The following TOPORS variants were observed in gnomAD, a reference collection of about 807,000 sequenced individuals.
TOPORS encodes the protein E3 ubiquitin-protein ligase Topors.
TOPORS carries 25 observed loss-of-function variants against 81.4 expected under a neutral mutation model. That is an observed-to-expected ratio of 0.31 (90% CI 0.22 to 0.43). The LOEUF is 0.43. Ranked by LOEUF, TOPORS falls within the 20% of genes least tolerant of loss-of-function variation. The probability of loss-of-function intolerance (pLI) is 1.00; values close to 1 mark genes in which losing one functional copy is unlikely to be tolerated. For synonymous variants in TOPORS, 473 were observed against 456.6 expected, an observed-to-expected ratio of 1.04 and a Z score of -0.46; for missense variants, 1,101 against 1,267.0, an observed-to-expected ratio of 0.87 and a Z score of 1.99.
At chr9:32,546,364 G>A (rs764945267) in intron 2 of TOPORS, among the ~76,000 whole-genome samples, 5 of 152,146 alleles carry the variant, frequency 3.3e-5, no homozygotes, top group Non-Finnish European at 5.9e-5. Context: ...GTAGAGGGAA[G>A]GAACAGAGAA....
chr9:32,544,511 C>T (rs1313425984), intron 2 of TOPORS, among the ~76,000 whole-genome samples, 185 bp from the exon 3 acceptor site: 1 of 152,186 alleles, frequency 6.6e-6, no homozygotes, highest in African/African-American at 2.4e-5. Flanking sequence ...AGCATAAGCT[C>T]TGAAGTCAGA....
chr9:32,550,240 G>A lies in TOPORS; in HGVS notation c.198+534C>T, dbSNP rs544919777. On this transcript the variant is annotated intron_variant, in intron 2 of 2. Transcript: ENST00000360538. ...ATGAGGAAAGCTGCAGTAAATGGATGGATGAACAAGTCACGGGCAATTTCT... is the reference window on the plus strand; with the variant it reads ...ATGAGGAAAGCTGCAGTAAATGGATAGATGAACAAGTCACGGGCAATTTCT... Among the ~76,000 whole-genome samples the A allele has an allele frequency of 9.2e-5, 14 of 152,286 alleles. No individual in the cohort carries two copies. The East Asian group carries it at 2.7e-3, about 29-fold the overall frequency.
At position 32,541,934 on chromosome 9, in the gene TOPORS, C is replaced by T. The variant is rs1821068764; in HGVS notation, c.2591G>A (p.Ser864Asn). 6.2e-7 allele frequency: 1 copy of T among 1,613,588 alleles called. No homozygotes were observed. The highest frequency in any genetic ancestry group is 8.5e-7 in the Non-Finnish European group (1 of 1,179,938). Residue 864 changes from serine (S) to asparagine (N), a missense_variant, in exon 3 of 3, where the codon AGC (serine) becomes AAC (asparagine). Transcript: ENST00000360538. ...KHKRRKRKTRSLSVEIVYEGK... is the reference protein window; with the variant it reads ...KHKRRKRKTRNLSVEIVYEGK... Reference sequence around the variant, plus strand: ...TTCATAAACTATCTCTACACTTAGGCTCCGGGTCTTCCTTTTTCTCCTTTT... The same window carrying T: ...TTCATAAACTATCTCTACACTTAGGTTCCGGGTCTTCCTTTTTCTCCTTTT...
rs769343027 is a variant in TOPORS, at chr9:32,550,863, G to T, written c.109C>A (p.Arg37Ser). 3.1e-6 allele frequency: 5 copies of T among 1,613,060 alleles called. No individual in the cohort carries two copies. The highest frequency in any genetic ancestry group is 2.2e-5 in the South Asian group (2 of 91,070). Residue 37 changes from arginine (R) to serine (S), a missense_variant, in exon 2 of 3, where the codon CGC becomes AGC. Transcript: ENST00000360538. The part of the protein sequence containing the change: ...GRRRSRRVRL[R>S]GSCRHRPSFL... ...CTAGGTCGGTGTCGGCAGGATCCGC[G>T]AAGGCGTACCCGGCGACTTCTCCGC...
At position 32,550,881 on chromosome 9, in the gene TOPORS, T is replaced by C; in HGVS notation, c.91A>G (p.Ser31Gly). 6.2e-7 allele frequency: 1 copy of C among 1,613,078 alleles called. No individual in the cohort carries two copies. Among genetic ancestry groups the C allele is most frequent in the Non-Finnish European group, 8.5e-7 (1 of 1,179,798 alleles). ...GATCCGCGAAGGCGTACCCGGCGAC[T>C]TCTCCGCCTACCCTCCGAAGCGGGA... ...PAPASEGRRRSRRVRLRGSCR... is the reference protein window; with the variant it reads ...PAPASEGRRRGRRVRLRGSCR... Residue 31 changes from serine to glycine, a missense_variant, in exon 2 of 3, where the codon AGT becomes GGT. By Grantham distance (56) the Ser-to-Gly change is moderately conservative. This residue lies in a region of TOPORS where 131 missense variants were observed against 101.0 expected (regional missense o/e 1.30). Coordinates refer to ENST00000360538, the MANE Select transcript of TOPORS (RefSeq NM_005802.5).
Position 32,542,989 on chromosome 9 carries a change from T to C in TOPORS, c.1536A>G (p.Thr512=), listed in dbSNP as rs1189192499. ...EDLGSYEKME[T]VKTQEQEQSY... is the part of the protein sequence containing the mutation. Reference sequence around the variant, plus strand: ...ATTGCTCCTGTTCTTGTGTCTTCACTGTCTCCATTTTCTCATAAGAACCTA... The same window carrying C: ...ATTGCTCCTGTTCTTGTGTCTTCACCGTCTCCATTTTCTCATAAGAACCTA... The change falls in exon 3 of 3, where the codon ACA becomes ACG. Residue 512 remains threonine (T), a synonymous_variant. Transcript: ENST00000360538. The C allele has an allele frequency of 6.2e-7, 1 of 1,614,214 alleles. No individual in the cohort carries two copies. Among genetic ancestry groups the C allele is most frequent in the Non-Finnish European group, 8.5e-7 (1 of 1,180,032 alleles).
In TOPORS at chr9:32,550,940, A is replaced by G. The variant is rs1042454228; in HGVS notation, c.32T>C (p.Leu11Pro). The G allele has an allele frequency of 6.2e-7, 1 of 1,612,218 alleles. No individual in the cohort carries two copies. Among genetic ancestry groups the G allele is most frequent in the African/African-American group, 1.3e-5 (1 of 74,926 alleles). MGSQPPLGSP[L>P]SREEGEAPPP... The stretch of plus-strand genomic sequence containing the variant: ...GGGCGCTTCACCCTCCTCGCGAGAC[A>G]GCGGAGACCCCAGCGGCGGCTGCGA... Residue 11 changes from leucine to proline, a missense_variant, in exon 2 of 3, where the codon CTG becomes CCG. Leu to Pro is a moderately conservative substitution (Grantham distance 98). Coordinates refer to ENST00000360538, the MANE Select transcript of TOPORS (RefSeq NM_005802.5).
At chr9:32,547,219 AAAC>A (rs1363691315) in intron 2 of TOPORS, among the ~76,000 whole-genome samples, 2 of 148,436 alleles carry the variant, frequency 1.3e-5, no homozygotes, top group Non-Finnish European at 3.0e-5. Context: ...AAAGAAAAAG[AAAC>A]ATCAAACAAT....
rs2118967996 is a variant in TOPORS at position 32,543,165 on chromosome 9, C to T, written c.1360G>A (p.Ala454Thr). The change falls in exon 3 of 3, where the codon GCC becomes ACC. Residue 454 changes from alanine to threonine, a missense_variant. By Grantham distance (58) the Ala-to-Thr change is moderately conservative (BLOSUM62 0). Transcript: ENST00000360538. The surrounding 1 kb of genome is among the most constrained non-coding windows in gnomAD (Gnocchi z 5.6). ...TGTACTCCTTGTATCTGAGACGTGGCTCCTCCTGTGACAAGTTCTTCATCT... is the reference window on the plus strand; with the variant it reads ...TGTACTCCTTGTATCTGAGACGTGGTTCCTCCTGTGACAAGTTCTTCATCT... ...SSDEELVTGG[A>T]TSQIQGVQTN... is the part of the protein sequence containing the mutation. 6.2e-7 allele frequency: 1 copy of T among 1,613,978 alleles called. No individual in the cohort carries two copies. Among genetic ancestry groups the T allele is most frequent in the East Asian group, 2.2e-5 (1 of 44,880 alleles).
At chr9:32,546,047 A>C (rs973283884) in intron 2 of TOPORS, among the ~76,000 whole-genome samples, 1 of 152,190 alleles carries the variant, frequency 6.6e-6, no homozygotes, top group Admixed American at 6.5e-5. Context: ...CTTTCTCAGA[A>C]CCATAACTTA....
intron 2 of TOPORS, among the ~76,000 whole-genome samples, chr9:32,548,700 G>A (rs2118976297): frequency 6.6e-6 from 1 of 152,300 alleles, no homozygotes; most frequent in African/African-American, 2.4e-5. Context: ...CCTCACAGGA[G>A]ACAATCAGTT....
chr9:32,549,611 G>A (rs906017962), intron 2 of TOPORS, among the ~76,000 whole-genome samples: 7 of 152,196 alleles, frequency 4.6e-5, no homozygotes, highest in African/African-American at 1.7e-4. Flanking sequence ...ACGTGAACAC[G>A]AAGTGAATTT....
chr9:32,551,778 A>C (rs1367347811), intron 1 of TOPORS: 2 of 450,964 alleles, frequency 4.4e-6, no homozygotes, highest in East Asian at 7.0e-5. Context: ...CTCAACAAAC[A>C]CTTGTTGCTT....
chr9:32,540,939 T>C lies in TOPORS; in HGVS notation c.*448A>G, dbSNP rs896825480. 2 of 154,978 alleles carry C rather than the reference T, an allele frequency of 1.3e-5. No homozygotes were observed. The highest frequency in any genetic ancestry group is 4.8e-5 in the African/African-American group (2 of 41,428). The allele number at this position is 154,978 out of a possible 1,614,324, so 9.6% of individuals were successfully genotyped here. On this transcript the variant is annotated 3_prime_UTR_variant, in exon 3 of 3. Coordinates refer to ENST00000360538, the MANE Select transcript of TOPORS (RefSeq NM_005802.5). ...CTCAATTTAACCTGAAGAAATGGTT[T>C]TGAATCATATAAATTTTTAAGAAGA...
At position 32,544,268 on chromosome 9, in the gene TOPORS, G is replaced by T; in HGVS notation, c.257C>A (p.Thr86Asn). ...TGGTACTGTCTGTTGCAATTTGCTA[G>T]TGCCAGCTTTAGGTGAAAAGTTGTC... Reference protein sequence around the residue: ...KMDNFSPKAGTSKLQQTVPAD... With the variant: ...KMDNFSPKAGNSKLQQTVPAD... Residue 86 changes from threonine (T) to asparagine (N), a missense_variant, in exon 3 of 3, where the codon ACT becomes AAT. By Grantham distance (65) the Thr-to-Asn change is moderately conservative. Coordinates refer to ENST00000360538, the MANE Select transcript of TOPORS (RefSeq NM_005802.5). 6.2e-7 allele frequency: 1 copy of T among 1,606,706 alleles called. No homozygotes were observed. The highest frequency in any genetic ancestry group is 8.5e-7 in the Non-Finnish European group (1 of 1,179,984).
At position 32,541,340 on chromosome 9, in the gene TOPORS, T is replaced by C. The variant is rs778217226; in HGVS notation, c.*47A>G. ...ACTGCAGTAGACGACATTCTTCCTT[T>C]TTCCTTTTTATAACATCATAATTCT... On this transcript the variant is annotated 3_prime_UTR_variant, in exon 3 of 3. Coordinates refer to ENST00000360538, the MANE Select transcript of TOPORS (RefSeq NM_005802.5). 105 of 1,597,328 alleles carry C rather than the reference T, an allele frequency of 6.6e-5. No homozygotes were observed. The highest frequency in any genetic ancestry group is 1.7e-4 in the Middle Eastern group (1 of 5,944).
rs772307520 is a variant in TOPORS at position 32,543,908 on chromosome 9, G to A, written c.617C>T (p.Pro206Leu). The A allele has an allele frequency of 1.2e-5, 19 of 1,614,146 alleles. No homozygotes were observed. Among genetic ancestry groups the A allele is most frequent in the Non-Finnish European group, 1.6e-5 (19 of 1,180,000 alleles). ...TTCAAACAGTACTCCACTATCCGGT[G>A]GAGTTGTTGTTCTTCTGTTCACAGG... is the stretch of plus-strand genomic sequence containing the variant. ...SGPVNRRTTT[P>L]PDSGVLFEGL... is the part of the protein sequence containing the mutation. Residue 206 changes from proline to leucine, a missense_variant, in exon 3 of 3, where the codon CCA becomes CTA. Physicochemically the swap from Pro to Leu is moderately conservative, Grantham distance 98 (BLOSUM62 -3). Around this residue, in one of 9 missense-constraint regions of TOPORS, gnomAD observed 120 missense variants for 115.4 expected, o/e 1.04. Transcript: ENST00000360538. The surrounding 1 kb of genome is among the most constrained non-coding windows in gnomAD (Gnocchi z 5.6).
At position 32,542,054 on chromosome 9, in the gene TOPORS, T is replaced by C. The variant is rs769536241; in HGVS notation, c.2471A>G (p.His824Arg). The C allele has an allele frequency of 6.2e-7, 1 of 1,614,198 alleles. No homozygotes were observed. Among genetic ancestry groups the C allele is most frequent in the Non-Finnish European group, 8.5e-7 (1 of 1,180,036 alleles). ...CAATTTTGATGAAGATTTTTGGTAA[T>C]GACTGTCCTTTGCTTTAGAAGCAAA... ...REFASKAKDS[H>R]YQKSSSKLDG... is the part of the protein sequence containing the mutation. Residue 824 changes from histidine (H) to arginine (R), a missense_variant, in exon 3 of 3, where the codon CAT becomes CGT. Transcript: ENST00000360538.
At chr9:32,551,628 C>A in intron 1 of TOPORS, 2 of 266,282 alleles carry the variant, frequency 7.5e-6, no homozygotes, top group South Asian at 6.6e-5. Context: ...CCTAAGCGGC[C>A]CGTTGCCAGA....
Sources: gnomAD v4.1 joint callset for allele counts (sites outside exome capture counted in the v4.1 genomes callset) on GRCh38, gnomAD v4.1.1 for gene constraint, gnomAD v4.1.1 regional missense constraint, Gnocchi (gnomAD v3.1) non-coding constraint, MANE v1.5 for transcripts, NCBI Gene and HGNC (gene_info 2026-07-23, HGNC 2026-07-21) for gene names.